SYNPO2: variants seen among roughly 807,000 people sequenced by gnomAD.
SYNPO2 encodes synaptopodin-2.
A neutral mutation model predicts 85.0 loss-of-function variants in SYNPO2; 56 were observed. The observed-to-expected ratio is 0.66, with a 90% CI of 0.53 to 0.82. The LOEUF (loss-of-function observed/expected upper bound fraction) is 0.82. Ranked by LOEUF, SYNPO2 falls within the 40% of genes least tolerant of loss-of-function variation. SYNPO2 has a pLI of 0.00. For synonymous variants in SYNPO2, 602 were observed against 591.1 expected (o/e 1.02, Z -0.27); for missense variants, 1,575 against 1,534.2 (o/e 1.03, Z -0.44).
At chr4:118,978,161 T>G (rs1735862607) in intron 1 of SYNPO2, among the ~76,000 whole-genome samples, 1 of 152,210 alleles carries the variant, frequency 6.6e-6, no homozygotes, top group East Asian at 1.9e-4. Flanking sequence ...ACTTGCTTCT[T>G]GGCCAGATTT....
At chr4:118,964,019 G>A (rs1000742991) in intron 1 of SYNPO2, among the ~76,000 whole-genome samples, 5 of 152,166 alleles carry the variant, frequency 3.3e-5, no homozygotes, top group African/African-American at 4.8e-5. Context: ...CTATTAGGAC[G>A]TACATGGGTT....
At chr4:118,893,039 A>G (rs1242771603) in intron 1 of SYNPO2, among the ~76,000 whole-genome samples, 27 of 152,300 alleles carry the variant, frequency 1.8e-4, no homozygotes, top group Middle Eastern at 3.4e-3. Flanking sequence ...GGGGAAAAAG[A>G]TTTTAATGTG....
chr4:118,883,865 A>T (rs1414652662), upstream of SYNPO2, among the ~76,000 whole-genome samples: 1 of 152,116 alleles, frequency 6.6e-6, no homozygotes, highest in Non-Finnish European at 1.5e-5. Flanking sequence ...CTGTCTTTAC[A>T]GGCTACTAAA....
At chr4:118,907,251 T>C (rs978656418) in intron 1 of SYNPO2, among the ~76,000 whole-genome samples, 1 of 152,214 alleles carries the variant, frequency 6.6e-6, no homozygotes. Context: ...TTAAACACAA[T>C]TGATCTTTTT....
intron 1 of SYNPO2, among the ~76,000 whole-genome samples, chr4:118,872,250 C>T (rs1011257361): frequency 3.3e-5 from 5 of 151,998 alleles, no homozygotes; most frequent in Non-Finnish European, 7.4e-5. Context: ...GTTATAGAAA[C>T]GGGAGCATAG....
Position 118,936,089 on chromosome 4 carries a change from A to G in SYNPO2, c.105+46948A>G, listed in dbSNP as rs117613518. 9.8e-5 allele frequency among the ~76,000 whole-genome samples: 15 copies of G among 152,316 alleles called. No homozygotes were observed. In the East Asian group the frequency reaches 2.9e-3, roughly 29 times the overall value. On this transcript the variant is annotated intron_variant, in intron 1 of 4. Coordinates refer to ENST00000307142, the MANE Select transcript of SYNPO2 (RefSeq NM_133477.3). ...TCAAACCTGTGTTGCTCAAGGGTCA[A>G]CTGTACTTATCATCATCCTACAATT...
chr4:118,867,334 A>G (rs56123399), intron 1 of SYNPO2, among the ~76,000 whole-genome samples: 46,745 of 152,092 alleles, frequency 0.31, 10,042 homozygotes, highest in African/African-American at 0.61. Context: ...ACTAGATGCA[A>G]TGAAAGATCT....
At chr4:118,965,930 T>TA (rs59092815) in intron 1 of SYNPO2, among the ~76,000 whole-genome samples, 59,216 of 151,362 alleles carry the variant, frequency 0.39, 11,785 homozygotes, top group South Asian at 0.52. Flanking sequence ...AGATTTTTTT[T>TA]AAAAAAAATT....
upstream of SYNPO2, chr4:118,888,795 T>G (rs1732259500): frequency 1.9e-6 from 1 of 524,720 alleles, no homozygotes; most frequent in Non-Finnish European, 3.4e-6. Context: ...GACGCAAGAG[T>G]GGGCTGTGTC....
chr4:118,989,660 A>G (rs1485836169), intron 1 of SYNPO2, among the ~76,000 whole-genome samples: 1 of 152,246 alleles, frequency 6.6e-6, no homozygotes, highest in Non-Finnish European at 1.5e-5. Context: ...CTTCCATGGA[A>G]TATCATTGAT....
At chr4:118,872,977 G>A (rs1336193783) in intron 1 of SYNPO2, among the ~76,000 whole-genome samples, 1 of 152,034 alleles carries the variant, frequency 6.6e-6, no homozygotes, top group Non-Finnish European at 1.5e-5. Context: ...CAGTTCCATC[G>A]ATGTTGCTGT....
chr4:119,030,505 C>T lies in SYNPO2; in HGVS notation c.1730C>T (p.Ala577Val). The T allele has an allele frequency of 1.2e-6, 2 of 1,614,082 alleles. No individual in the cohort carries two copies. The highest frequency in any genetic ancestry group is 2.7e-5 in the African/African-American group (2 of 75,046). Reference sequence around the variant, plus strand: ...GGCTTCAGTGGGACATCTGAGACAGCAAACATCCAGAGGATGGTCCCCATG... The same window carrying T: ...GGCTTCAGTGGGACATCTGAGACAGTAAACATCCAGAGGATGGTCCCCATG... ...QNGFSGTSET[A>V]NIQRMVPMNR... Residue 577 changes from alanine to valine, a missense_variant, in exon 4 of 5, where the codon GCA becomes GTA. Coordinates refer to ENST00000307142, the MANE Select transcript of SYNPO2 (RefSeq NM_133477.3).
chr4:118,898,507 G>A (rs1039534367), intron 1 of SYNPO2, among the ~76,000 whole-genome samples: 1 of 151,986 alleles, frequency 6.6e-6, no homozygotes, highest in Non-Finnish European at 1.5e-5. Flanking sequence ...CCATAACATT[G>A]GTTTTATCTT....
At chr4:119,022,949 G>C (rs1220872420) in intron 1 of SYNPO2, among the ~76,000 whole-genome samples, 4 of 151,222 alleles carry the variant, frequency 2.6e-5, no homozygotes, top group African/African-American at 9.7e-5. Flanking sequence ...GCTAATTTTT[G>C]TACTTGTTAG....
intron 4 of SYNPO2, chr4:119,032,569 T>C (rs1738325322): frequency 1.0e-6 from 1 of 996,384 alleles, no homozygotes. Flanking sequence ...AGCCACCTGT[T>C]TGATATCACA....
chr4:118,860,041 C>T (rs971238685), intron 1 of SYNPO2, among the ~76,000 whole-genome samples: 2 of 152,120 alleles, frequency 1.3e-5, no homozygotes, highest in Non-Finnish European at 2.9e-5. Flanking sequence ...CAACAGTGTA[C>T]GAGGGTTTCC....
At chr4:118,918,061 C>T (rs1330332514) in intron 1 of SYNPO2, among the ~76,000 whole-genome samples, 1 of 152,138 alleles carries the variant, frequency 6.6e-6, no homozygotes, top group Non-Finnish European at 1.5e-5. Flanking sequence ...AGAGTGCCTG[C>T]TGCATGAGCT....
intron 1 of SYNPO2, among the ~76,000 whole-genome samples, chr4:118,976,483 T>C (rs909103214): frequency 4.6e-5 from 7 of 152,212 alleles, no homozygotes; most frequent in Admixed American, 1.3e-4. Context: ...GGGTTGCCAA[T>C]GCTGGCTAGG....
chr4:118,875,675 A>T (rs1008216124), intron 1 of SYNPO2, among the ~76,000 whole-genome samples: 34 of 152,228 alleles, frequency 2.2e-4, no homozygotes, highest in African/African-American at 7.2e-4. Context: ...TTTATTTTTG[A>T]TGATTAGAAG....
Sources: allele counts gnomAD v4.1 joint callset (sites outside exome capture counted in the v4.1 genomes callset), GRCh38; gene constraint gnomAD v4.1.1; transcripts MANE v1.5; gene names NCBI Gene and HGNC (gene_info 2026-07-23, HGNC 2026-07-21).